Variants in TEX2 observed in about 807,000 individuals in gnomAD.
The protein encoded by TEX2 is testis expressed 2.
A neutral mutation model predicts 106.9 loss-of-function variants in TEX2; 53 were observed. The observed-to-expected ratio is 0.50, with a 90% CI of 0.40 to 0.62. The LOEUF is 0.62. Ranked by LOEUF, TEX2 falls within the 20% of genes least tolerant of loss-of-function variation. The pLI is 0.00. For synonymous variants in TEX2, 523 were observed against 534.8 expected (o/e 0.98, Z 0.30); for missense variants, 1,207 against 1,379.0 (o/e 0.88, Z 1.98).
At chr17:64,197,812 C>T (rs1285961018) in intron 2 of TEX2, among the ~76,000 whole-genome samples, 7 of 152,176 alleles carry the variant, frequency 4.6e-5, no homozygotes, top group African/African-American at 1.7e-4. Context: ...AGTTCTCCCA[C>T]CTTGGCCTCC....
chr17:64,181,510 T>A, intron 5 of TEX2, among the ~76,000 whole-genome samples: 1 of 143,034 alleles, frequency 7.0e-6, no homozygotes, highest in South Asian at 2.3e-4. Context: ...CAAAATTAGA[T>A]CTGGCTACAT....
intron 2 of TEX2, among the ~76,000 whole-genome samples, chr17:64,199,397 C>T (rs1417767177): frequency 2.0e-5 from 3 of 152,118 alleles, no homozygotes; most frequent in Admixed American, 6.5e-5. Context: ...CCACCACGCC[C>T]GGCTAATTTT....
At chr17:64,166,539 G>A (rs1213999242) in intron 7 of TEX2, among the ~76,000 whole-genome samples, 1 of 152,226 alleles carries the variant, frequency 6.6e-6, no homozygotes, top group African/African-American at 2.4e-5. Flanking sequence ...ACATGGCAGG[G>A]TGGATTGAGG....
At chr17:64,181,322 A>C (rs2143811122) in intron 5 of TEX2, among the ~76,000 whole-genome samples, 1 of 151,970 alleles carries the variant, frequency 6.6e-6, no homozygotes, top group Admixed American at 6.5e-5. Flanking sequence ...CCAAAAATAC[A>C]AAAATTAGCT....
In TEX2 at chr17:64,213,726, C is replaced by T. The variant is rs782108513; in HGVS notation, c.492G>A (p.Leu164=). The T allele has an allele frequency of 1.2e-6, 2 of 1,614,076 alleles. No individual in the cohort carries two copies. Among genetic ancestry groups the T allele is most frequent in the African/African-American group, 1.3e-5 (1 of 74,992 alleles). ...SEQKTSSSSP[L]SSPSKSPILS... ...GGATGGGAGACTTAGAAGGAGAGGACAATGGGGAGGAAGAACTGGTTTTCT... is the reference window on the plus strand; with the variant it reads ...GGATGGGAGACTTAGAAGGAGAGGATAATGGGGAGGAAGAACTGGTTTTCT... Residue 164 remains leucine (L), a synonymous_variant, in exon 2 of 12, where the codon TTG becomes TTA. Transcript: ENST00000584379. This position sits in a 1 kb window ranked among gnomAD's most constrained non-coding sequence, Gnocchi z 4.4.
At chr17:64,211,840 A>C (rs982238132) in intron 2 of TEX2, among the ~76,000 whole-genome samples, 2 of 152,216 alleles carry the variant, frequency 1.3e-5, no homozygotes, top group Non-Finnish European at 1.5e-5. Context: ...AATATGCAAA[A>C]AAATAATAAT....
intron 2 of TEX2, among the ~76,000 whole-genome samples, chr17:64,197,354 A>G (rs1555629498): frequency 6.6e-6 from 1 of 152,016 alleles, no homozygotes; most frequent in East Asian, 1.9e-4. Flanking sequence ...TTTGGTTTGT[A>G]TCTTTCAAAG....
intron 5 of TEX2, among the ~76,000 whole-genome samples, chr17:64,179,270 T>C (rs572552803): frequency 1.3e-5 from 2 of 152,070 alleles, no homozygotes; most frequent in African/African-American, 4.8e-5. Context: ...CTCTGTAAAA[T>C]GTACCAATCA....
chr17:64,249,306 G>A (rs2034047776), intron 1 of TEX2, among the ~76,000 whole-genome samples: 1 of 152,212 alleles, frequency 6.6e-6, no homozygotes, highest in Non-Finnish European at 1.5e-5. Flanking sequence ...AGTGTGTAGG[G>A]TGAGAGGCTA....
At chr17:64,164,916 A>C (rs1274110212) in intron 7 of TEX2, among the ~76,000 whole-genome samples, 2 of 152,182 alleles carry the variant, frequency 1.3e-5, no homozygotes, top group South Asian at 2.1e-4. Context: ...CTCACACAGC[A>C]GTTCACTGTT....
chr17:64,205,955 G>A lies in TEX2; in HGVS notation c.1644+6619C>T, dbSNP rs1368617941. Reference sequence around the variant, plus strand: ...TTGCTCGTGAATATAATTCAAAATTGCATCTGAGTCATATACTCAAACATA... The same window carrying A: ...TTGCTCGTGAATATAATTCAAAATTACATCTGAGTCATATACTCAAACATA... On this transcript the variant is annotated intron_variant, in intron 2 of 11. Transcript: ENST00000584379. The surrounding 1 kb of genome is among the most constrained non-coding windows in gnomAD (Gnocchi z 4.0). Among the ~76,000 whole-genome samples, 1 of 152,132 alleles carries A rather than the reference G, an allele frequency of 6.6e-6. No individual in the cohort carries two copies. The highest frequency in any genetic ancestry group is 1.5e-5 in the Non-Finnish European group (1 of 68,026).
chr17:64,171,614 TA>T (rs2143737248), intron 6 of TEX2, among the ~76,000 whole-genome samples: 1 of 152,058 alleles, frequency 6.6e-6, no homozygotes, highest in East Asian at 1.9e-4. Flanking sequence ...CCATGCTGGT[TA>T]ACAGTACCCC....
At chr17:64,260,710 T>C (rs1379392674) in intron 1 of TEX2, among the ~76,000 whole-genome samples, 2 of 152,164 alleles carry the variant, frequency 1.3e-5, no homozygotes, top group East Asian at 3.8e-4. Flanking sequence ...TCTATACTAG[T>C]CTTCTGCCTT....
chr17:64,262,763 G>A (rs991380403), intron 1 of TEX2, among the ~76,000 whole-genome samples: 1 of 152,224 alleles, frequency 6.6e-6, no homozygotes, highest in Admixed American at 6.5e-5. Context: ...TGCGGTTCTC[G>A]ACTTTCAAGC....
In TEX2 at chr17:64,214,243, C is replaced by A; in HGVS notation, c.-25-1G>T. The A allele has an allele frequency of 6.3e-7, 1 of 1,590,036 alleles. No homozygotes were observed. The highest frequency in any genetic ancestry group is 8.6e-7 in the Non-Finnish European group (1 of 1,165,532). ...TGCCGGCTTCACAAGGGCTCAGGCT[C>A]TGTGAAAACAGTGAGAAAACCAGAA... is the stretch of plus-strand genomic sequence containing the variant. On this transcript the variant is annotated splice_acceptor_variant, in intron 1 of 11. Coordinates refer to ENST00000584379, the MANE Select transcript of TEX2 (RefSeq NM_001288732.2). LOFTEE classifies it low-confidence loss of function (5UTR_SPLICE).
chr17:64,248,693 AG>A (rs2034035586), intron 1 of TEX2, among the ~76,000 whole-genome samples: 1 of 152,168 alleles, frequency 6.6e-6, no homozygotes, highest in Admixed American at 6.5e-5. Flanking sequence ...CCTTAGCAGT[AG>A]CATCACACTT....
chr17:64,184,520 G>A (rs771437172), intron 5 of TEX2, among the ~76,000 whole-genome samples: 30 of 152,128 alleles, frequency 2.0e-4, no homozygotes, highest in African/African-American at 6.5e-4. Context: ...TAAATGATTC[G>A]TAAACATTTT....
rs1254950145 is a variant in TEX2 at position 64,153,432 on chromosome 17, T to A, written c.2931-278A>T. Among the ~76,000 whole-genome samples, 1 of 147,066 alleles carries A rather than the reference T, an allele frequency of 6.8e-6. No individual in the cohort carries two copies. Among genetic ancestry groups the A allele is most frequent in the Non-Finnish European group, 1.5e-5 (1 of 66,096 alleles). On this transcript the variant is annotated intron_variant, in intron 9 of 11. Transcript: ENST00000584379. This position sits in a 1 kb window ranked among gnomAD's most constrained non-coding sequence, Gnocchi z 4.1. ...CTCTGGGGGGCCAAATCACCCCCAG[T>A]TGAGAACTACTACTTCAGAGAAGGT... is the stretch of plus-strand genomic sequence containing the variant.
chr17:64,159,145 G>A (rs967500651), intron 8 of TEX2, among the ~76,000 whole-genome samples: 4 of 152,240 alleles, frequency 2.6e-5, no homozygotes, highest in East Asian at 1.9e-4. Context: ...GGACGCATAC[G>A]TGGCAAGCAC....
Sources: allele counts gnomAD v4.1 joint callset (sites outside exome capture counted in the v4.1 genomes callset), GRCh38; gene constraint gnomAD v4.1.1; non-coding constraint Gnocchi (gnomAD v3.1); transcripts MANE v1.5; gene names NCBI Gene and HGNC (gene_info 2026-07-23, HGNC 2026-07-21).